Variants in DYNC2H1 observed in about 807,000 individuals in gnomAD.
DYNC2H1 encodes dynein cytoplasmic 2 heavy chain 1.
DYNC2H1 carries 410 observed loss-of-function variants against 570.0 expected under a neutral mutation model. The ratio of observed to expected loss-of-function variants is 0.72; its 90% CI spans 0.66 to 0.78. The LOEUF (loss-of-function observed/expected upper bound fraction) is 0.78. DYNC2H1 is among the 30% of genes least tolerant of loss of function. DYNC2H1 has a pLI of 0.00. For synonymous variants in DYNC2H1, 1,688 were observed against 1,677.6 expected, an observed-to-expected ratio of 1.01 and a Z score of -0.15; for missense variants, 4,865 against 5,046.4, an observed-to-expected ratio of 0.96 and a Z score of 1.09.
At chr11:103,342,282 GCACCCTGTAAAATGGACCAATCA>G (rs1939485394) in intron 82 of DYNC2H1, among the ~76,000 whole-genome samples, 3 of 152,236 alleles carry the variant, frequency 2.0e-5, no homozygotes, top group South Asian at 2.1e-4. Flanking sequence ...GGACCAATCA[GCACCCTGTAAAATGGACCAATCA>G]GCACCCTATA....
At chr11:103,255,668 C>A in intron 67 of DYNC2H1, 134 bp downstream of exon 67, 2 of 868,936 alleles carry the variant, frequency 2.3e-6, no homozygotes, top group Non-Finnish European at 1.6e-6. Context: ...ATCTTACAGT[C>A]AAAATTCTAA....
At chr11:103,370,156 A>T (rs1178337078) in intron 83 of DYNC2H1, among the ~76,000 whole-genome samples, 1 of 152,228 alleles carries the variant, frequency 6.6e-6, no homozygotes, top group African/African-American at 2.4e-5. Context: ...TTGGGCCTTA[A>T]GGGAATATCA....
rs1355880097 is a variant in DYNC2H1 at position 103,170,110 on chromosome 11, T to A, written c.4971T>A (p.Gly1657=). 6.2e-7 allele frequency: 1 copy of A among 1,610,046 alleles called. No homozygotes were observed. The highest frequency in any genetic ancestry group is 1.3e-5 in the African/African-American group (1 of 74,910). The change falls in exon 33 of 89, where the codon GGT becomes GGA. Residue 1657 remains glycine, a splice_region_variant and synonymous_variant. Transcript: ENST00000375735. This position sits in a 1 kb window ranked among gnomAD's most constrained non-coding sequence, Gnocchi z 4.8. ...GACTTTGTGTTGTTCTTGTATAGGG[T>A]AATGCTTCCAAACTGGTTTATACTC... The part of the protein sequence containing the change: ...SEFQYTYEYQ[G]NASKLVYTPL...
chr11:103,327,860 G>A (rs532869422), intron 82 of DYNC2H1, among the ~76,000 whole-genome samples: 1 of 152,274 alleles, frequency 6.6e-6, no homozygotes, highest in South Asian at 2.1e-4. Flanking sequence ...CAAAAGTCCA[G>A]TGCTTGTATA....
chr11:103,138,099 G>A (rs1203081201), intron 17 of DYNC2H1, among the ~76,000 whole-genome samples: 2 of 151,678 alleles, frequency 1.3e-5, no homozygotes, highest in East Asian at 3.9e-4. Context: ...CTTTGCTGAA[G>A]TTGCTTATCA....
chr11:103,172,852 A>C (rs1861629904), intron 34 of DYNC2H1, among the ~76,000 whole-genome samples: 1 of 152,050 alleles, frequency 6.6e-6, no homozygotes, highest in Non-Finnish European at 1.5e-5. Flanking sequence ...AAACTCTGCA[A>C]AGCAGTGTAG....
intron 83 of DYNC2H1, among the ~76,000 whole-genome samples, chr11:103,387,516 T>A (rs1017677302): frequency 6.6e-6 from 1 of 152,228 alleles, no homozygotes; most frequent in African/African-American, 2.4e-5. Context: ...TTAGATCTCA[T>A]TTGTCAATTT....
Position 103,209,781 on chromosome 11 carries a change from A to G in DYNC2H1, c.8455-95A>G. ...AGTCTGGAATGAATCCTAGAAGAAA[A>G]GTACAATCAATACTGACTTTTTTTG... On this transcript the variant is annotated intron_variant, in intron 52 of 88. Transcript: ENST00000375735. This position sits in a 1 kb window ranked among gnomAD's most constrained non-coding sequence, Gnocchi z 4.2. 2 of 930,552 alleles carry G rather than the reference A, an allele frequency of 2.1e-6. No homozygotes were observed. The highest frequency in any genetic ancestry group is 2.9e-6 in the Non-Finnish European group (2 of 694,914). The allele number at this position is 930,552 out of a possible 1,614,324, so 57.6% of individuals were successfully genotyped here.
Position 103,205,113 on chromosome 11 carries a change from A to G in DYNC2H1, c.8454+149A>G, listed in dbSNP as rs1218721907. 1.3e-6 allele frequency: 1 copy of G among 742,634 alleles called. No individual in the cohort carries two copies. The highest frequency in any genetic ancestry group is 2.1e-6 in the Non-Finnish European group (1 of 486,446). 46.0% of individuals were successfully genotyped at this position (742,634 alleles called of 1,614,324 possible). Reference sequence around the variant, plus strand: ...GTTTGGAAATGTCTGTTTTCTTCGTACTCTTGCATCATAATTTAGTTGAAT... The same window carrying G: ...GTTTGGAAATGTCTGTTTTCTTCGTGCTCTTGCATCATAATTTAGTTGAAT... On this transcript the variant is annotated intron_variant, in intron 52 of 88. Coordinates refer to ENST00000375735, the MANE Select transcript of DYNC2H1 (RefSeq NM_001377.3). The surrounding 1 kb of genome is among the most constrained non-coding windows in gnomAD (Gnocchi z 4.5).
chr11:103,301,868 T>G (rs1237159003), intron 75 of DYNC2H1, among the ~76,000 whole-genome samples: 1 of 151,982 alleles, frequency 6.6e-6, no homozygotes, highest in Non-Finnish European at 1.5e-5. Context: ...GTCTATTCAC[T>G]TCTATTTTTG....
At chr11:103,371,878 C>G (rs1941160618) in intron 83 of DYNC2H1, among the ~76,000 whole-genome samples, 1 of 140,832 alleles carries the variant, frequency 7.1e-6, no homozygotes, top group Non-Finnish European at 1.5e-5. Context: ...TATATAAGAT[C>G]ATGTTGTCAG....
At chr11:103,320,151 A>T (rs2135435428) in intron 80 of DYNC2H1, among the ~76,000 whole-genome samples, 1 of 152,346 alleles carries the variant, frequency 6.6e-6, no homozygotes, top group Non-Finnish European at 1.5e-5. Flanking sequence ...ACATTACCAC[A>T]AAATTGTGAT....
intron 78 of DYNC2H1, among the ~76,000 whole-genome samples, chr11:103,308,779 A>G (rs1431086742): frequency 6.6e-6 from 1 of 152,184 alleles, no homozygotes; most frequent in African/African-American, 2.4e-5. Context: ...TTGGACATTT[A>G]TATATCTTAT....
chr11:103,408,499 T>A (rs1942957188), intron 84 of DYNC2H1: 1 of 152,034 alleles, frequency 6.6e-6, no homozygotes, highest in Non-Finnish European at 1.5e-5. Context: ...GATAGTATCA[T>A]CTATGAGGCG....
Position 103,256,630 on chromosome 11 carries a change from A to T in DYNC2H1, c.10461+390A>T, listed in dbSNP as rs1225597252. Among the ~76,000 whole-genome samples the T allele has an allele frequency of 2.0e-5, 3 of 152,210 alleles. No homozygotes were observed. Among genetic ancestry groups the T allele is most frequent in the African/African-American group, 7.2e-5 (3 of 41,466 alleles). Reference sequence around the variant, plus strand: ...ACTAATTAAAAGGGTTATAAGCTCTAAGGTACAGTTATTGGCTCTTTTCAT... The same window carrying T: ...ACTAATTAAAAGGGTTATAAGCTCTTAGGTACAGTTATTGGCTCTTTTCAT... On this transcript the variant is annotated intron_variant, in intron 68 of 88. Transcript: ENST00000375735. The surrounding 1 kb of genome is among the most constrained non-coding windows in gnomAD (Gnocchi z 4.0).
chr11:103,133,429 A>G lies in DYNC2H1; in HGVS notation c.1954-126A>G. 1 of 832,694 alleles carries G rather than the reference A, an allele frequency of 1.2e-6. No individual in the cohort carries two copies. Among genetic ancestry groups the G allele is most frequent in the Non-Finnish European group, 1.8e-6 (1 of 562,434 alleles). The allele number at this position is 832,694 out of a possible 1,614,324, so 51.6% of individuals were successfully genotyped here. ...ACTGCCTTATCATTTATAAAATGGA[A>G]AATTATTATGTGCTTTCTTTGTTGC... On this transcript the variant is annotated intron_variant, in intron 13 of 88. Transcript: ENST00000375735. The surrounding 1 kb of genome is among the most constrained non-coding windows in gnomAD (Gnocchi z 4.8).
intron 85 of DYNC2H1, among the ~76,000 whole-genome samples, chr11:103,449,126 A>G (rs1944517244): frequency 6.6e-6 from 1 of 152,184 alleles, no homozygotes; most frequent in Admixed American, 6.6e-5. Flanking sequence ...AGGCAGAGGG[A>G]ACAGCAAGTG....
At chr11:103,110,970 G>A (rs761533933) in intron 1 of DYNC2H1, among the ~76,000 whole-genome samples, 5 of 152,080 alleles carry the variant, frequency 3.3e-5, no homozygotes, top group Non-Finnish European at 7.4e-5. Context: ...GGATTACAGG[G>A]CATGTGCCAC....
chr11:103,283,352 G>A (rs900627531), intron 73 of DYNC2H1, among the ~76,000 whole-genome samples: 2 of 152,104 alleles, frequency 1.3e-5, no homozygotes, highest in Admixed American at 6.5e-5. Flanking sequence ...GTTAGGCTAT[G>A]AGAATGGTGA....
Sources: allele counts gnomAD v4.1 joint callset (sites outside exome capture counted in the v4.1 genomes callset), GRCh38; gene constraint gnomAD v4.1.1; non-coding constraint Gnocchi (gnomAD v3.1); transcripts MANE v1.5; gene names NCBI Gene and HGNC (gene_info 2026-07-23, HGNC 2026-07-21).